Variants in EXD3 observed in about 807,000 individuals in gnomAD.
EXD3 encodes the protein exonuclease mut-7 homolog.
EXD3 carries 92 observed loss-of-function variants against 98.0 expected under a neutral mutation model. The observed-to-expected ratio is 0.94, with a 90% CI of 0.79 to 1.12. The LOEUF (loss-of-function observed/expected upper bound fraction) is 1.12, where lower values mean the gene tolerates loss of function less well. EXD3 is among the 50% of genes most tolerant of loss of function. The pLI, the probability that EXD3 is intolerant of heterozygous loss-of-function variation, is 0.00. For missense variants in EXD3, 1,222 were observed against 1,191.6 expected (o/e 1.03, Z -0.38); for synonymous variants, 569 against 526.0 (o/e 1.08, Z -1.12).
chr9:137,377,808 T>TC (rs1380478025), intron 3 of EXD3, among the ~76,000 whole-genome samples: 5 of 148,818 alleles, frequency 3.4e-5, no homozygotes, highest in African/African-American at 1.2e-4. Flanking sequence ...TTTTTTTTTT[T>TC]CCTGGGACAG....
Position 137,383,383 on chromosome 9 carries a change from G to T in EXD3, c.56-6C>A. Reference sequence around the variant, plus strand: ...GAGCAGGAGGGGGTCCCGGCCTGTGGAGATAAGATAACAGCCGTGGGAGGG... The same window carrying T: ...GAGCAGGAGGGGGTCCCGGCCTGTGTAGATAAGATAACAGCCGTGGGAGGG... On this transcript the variant is annotated splice_polypyrimidine_tract_variant and splice_region_variant and intron_variant, in intron 2 of 21. Transcript: ENST00000340951. 6.5e-7 allele frequency: 1 copy of T among 1,543,594 alleles called. No homozygotes were observed. The highest frequency in any genetic ancestry group is 1.2e-5 in the South Asian group (1 of 83,646).
intron 19 of EXD3, among the ~76,000 whole-genome samples, chr9:137,314,543 C>T (rs767637742): frequency 3.3e-5 from 5 of 152,068 alleles, no homozygotes; most frequent in Admixed American, 6.5e-5. Flanking sequence ...GCCCCGGGAA[C>T]GTCTGGAGCC....
chr9:137,354,773 GC>G lies in EXD3; in HGVS notation c.758-1del, dbSNP rs757651604. ...CTGAATGGCCGCGTTGGGACACAGC[GC>G]TGAAAGGAAAGGCCAGCTCAGCACT... is the stretch of plus-strand genomic sequence containing the variant. On this transcript the variant is annotated splice_acceptor_variant, in intron 8 of 21. Transcript: ENST00000340951. LOFTEE classifies it high-confidence loss of function. 2 of 1,608,856 alleles carry G rather than the reference GC, an allele frequency of 1.2e-6. No individual in the cohort carries two copies. The highest frequency in any genetic ancestry group is 2.2e-5 in the South Asian group (2 of 90,908).
intron 17 of EXD3, among the ~76,000 whole-genome samples, chr9:137,332,714 G>A (rs1056416156): frequency 5.9e-5 from 9 of 151,854 alleles, no homozygotes; most frequent in East Asian, 1.9e-4. Context: ...GCATGGTGGC[G>A]GGCGCCTGTA....
At chr9:137,384,682 C>T (rs1038698567) in intron 2 of EXD3, among the ~76,000 whole-genome samples, 1 of 152,216 alleles carries the variant, frequency 6.6e-6, no homozygotes, top group African/African-American at 2.4e-5. Context: ...CCAATGGGTT[C>T]GGCATCAATG....
chr9:137,390,569 G>A (rs938275414), intron 2 of EXD3, among the ~76,000 whole-genome samples: 7 of 152,196 alleles, frequency 4.6e-5, no homozygotes, highest in African/African-American at 1.7e-4. Context: ...ATTGGCGTTA[G>A]AATCATCATT....
chr9:137,327,904 T>C (rs939714048), intron 17 of EXD3, among the ~76,000 whole-genome samples: 4 of 39,856 alleles, frequency 1.0e-4, no homozygotes, highest in Non-Finnish European at 1.6e-4. Flanking sequence ...ACATGATGAG[T>C]AAAAACAACT....
Position 137,307,093 on chromosome 9 carries a change from A to C in EXD3, c.2488T>G (p.Tyr830Asp), listed in dbSNP as rs758779381. 1 of 1,610,500 alleles carries C rather than the reference A, an allele frequency of 6.2e-7. No individual in the cohort carries two copies. The highest frequency in any genetic ancestry group is 8.5e-7 in the Non-Finnish European group (1 of 1,179,018). Residue 830 changes from tyrosine (Y) to aspartate (D), a missense_variant, in exon 22 of 22, where the codon TAC (tyrosine) becomes GAC (aspartate). Transcript: ENST00000340951. ...ACCTTTCCACAGCCCGTGCAGCAGT[A>C]GAAGCACCGCAGCCCAGGTGTCCTC... ...VLRTPGLRCF[Y>D]CCTGCGKVFW...
At chr9:137,383,827 G>A (rs1337586911) in intron 2 of EXD3, among the ~76,000 whole-genome samples, 9 of 148,752 alleles carry the variant, frequency 6.1e-5, no homozygotes, top group African/African-American at 1.5e-4. Context: ...CGGCCCTCCC[G>A]CGCCGCCCCC....
chr9:137,330,902 G>A (rs949740862), intron 17 of EXD3, among the ~76,000 whole-genome samples: 12 of 152,146 alleles, frequency 7.9e-5, no homozygotes, highest in Non-Finnish European at 2.9e-5. Flanking sequence ...ACTAAAAGAC[G>A]TCAAGACCAT....
intron 3 of EXD3, among the ~76,000 whole-genome samples, chr9:137,376,116 G>A (rs181947591): frequency 2.6e-5 from 4 of 151,984 alleles, no homozygotes; most frequent in Non-Finnish European, 4.4e-5. Context: ...AGGCTGAGGC[G>A]GGCAGATCAC....
chr9:137,397,986 T>C (rs1326329147), intron 1 of EXD3, among the ~76,000 whole-genome samples: 1 of 152,232 alleles, frequency 6.6e-6, no homozygotes, highest in Non-Finnish European at 1.5e-5. Flanking sequence ...AAAATATGGT[T>C]TTAATGAGTA....
chr9:137,353,502 A>C, intron 10 of EXD3: 1 of 987,496 alleles, frequency 1.0e-6, no homozygotes, highest in African/African-American at 1.7e-5. Flanking sequence ...CCATTCACCC[A>C]TGGCCCAGGA....
At chr9:137,327,966 G>A (rs1034422594) in intron 17 of EXD3, among the ~76,000 whole-genome samples, 2 of 131,210 alleles carry the variant, frequency 1.5e-5, no homozygotes, top group Admixed American at 7.8e-5. Context: ...TATATGATGA[G>A]TAAAAACAAC....
intron 17 of EXD3, among the ~76,000 whole-genome samples, chr9:137,344,473 A>G (rs949715614): frequency 5.3e-5 from 8 of 152,166 alleles, no homozygotes; most frequent in African/African-American, 1.9e-4. Context: ...CTTCGCTGGC[A>G]CGTTTCCTGT....
At chr9:137,329,576 G>GTCACACGGGA (rs1788588261) in intron 17 of EXD3, among the ~76,000 whole-genome samples, 1 of 2,074 alleles carries the variant, frequency 4.8e-4, no homozygotes, top group Non-Finnish European at 7.7e-4. Context: ...ACTACACGGG[G>GTCACACGGGA]CTACACGGGA....
At chr9:137,368,869 G>A (rs553610105) in intron 5 of EXD3, among the ~76,000 whole-genome samples, 2 of 149,038 alleles carry the variant, frequency 1.3e-5, no homozygotes, top group East Asian at 2.0e-4. Context: ...TCTCAGGGCC[G>A]TGGGGAGGGG....
intron 19 of EXD3, among the ~76,000 whole-genome samples, chr9:137,316,086 G>A (rs1184103134): frequency 1.5e-5 from 1 of 65,602 alleles, no homozygotes; most frequent in African/African-American, 4.6e-5. Context: ...TCCCTCCCCC[G>A]GCCCCCCCCA....
intron 2 of EXD3, among the ~76,000 whole-genome samples, chr9:137,386,595 C>T (rs965674708): frequency 6.6e-6 from 1 of 152,132 alleles, no homozygotes; most frequent in Admixed American, 6.5e-5. Flanking sequence ...AAATATGGGG[C>T]AGGCCAGGCC....
Sources: allele counts gnomAD v4.1 joint callset (sites outside exome capture counted in the v4.1 genomes callset), GRCh38; gene constraint gnomAD v4.1.1; transcripts MANE v1.5; gene names NCBI Gene and HGNC (gene_info 2026-07-23, HGNC 2026-07-21).